Variants in BAG6 observed in about 807,000 individuals in gnomAD.
The protein encoded by BAG6 is large proline-rich protein BAG6.
A neutral mutation model predicts 121.0 loss-of-function variants in BAG6; 22 were observed. The observed-to-expected ratio is 0.18, with a 90% CI of 0.13 to 0.26. BAG6 has a LOEUF of 0.26. Ranked by LOEUF, BAG6 falls within the 10% of genes least tolerant of loss-of-function variation. The probability of loss-of-function intolerance (pLI) is 1.00; values close to 1 mark genes in which losing one functional copy is unlikely to be tolerated. For synonymous variants in BAG6, 583 were observed against 584.6 expected, an observed-to-expected ratio of 1.00 and a Z score of 0.04; for missense variants, 1,233 against 1,537.7, an observed-to-expected ratio of 0.80 and a Z score of 3.31.
chr6:31,647,069 G>A (rs933396743), intron 7 of BAG6, among the ~76,000 whole-genome samples: 8 of 151,400 alleles, frequency 5.3e-5, no homozygotes, highest in Non-Finnish European at 8.8e-5. Context: ...CACTGTGCCC[G>A]GCCTGTATTT....
In BAG6 at chr6:31,649,271, A is replaced by C; in HGVS notation, c.351T>G (p.Thr117=). 2 of 1,613,070 alleles carry C rather than the reference A, an allele frequency of 1.2e-6. No homozygotes were observed. The highest frequency in any genetic ancestry group is 1.7e-6 in the Non-Finnish European group (2 of 1,180,004). The change falls in exon 4 of 26, where the codon ACT becomes ACG. Residue 117 remains threonine, a synonymous_variant. Coordinates refer to ENST00000676615, the MANE Select transcript of BAG6 (RefSeq NM_001387994.1). ...ATHGGGSPPG[T]RGPGASVHDR... ...CATGAACAGAGGCCCCAGGCCCCCGAGTACCAGGGGGGGATCCCCCACCAT... is the reference window on the plus strand; with the variant it reads ...CATGAACAGAGGCCCCAGGCCCCCGCGTACCAGGGGGGGATCCCCCACCAT...
At chr6:31,645,300 T>C in intron 9 of BAG6, 102 bp from the exon 10 acceptor site, 8 of 1,605,950 alleles carry the variant, frequency 5.0e-6, no homozygotes, top group Non-Finnish European at 6.8e-6. Context: ...TTCATCACCA[T>C]GTTTCCAGTC....
chr6:31,643,021 A>G lies in BAG6; in HGVS notation c.1851T>C (p.Ala617=), dbSNP rs777048438. The part of the protein sequence containing the change: ...TTNTATTAGP[A]PGGPAQPPPT... ...GTGGAGGCTGGGCAGGCCCCCCAGG[A>G]GCGGGGCCAGCTGTGGTAGCTGTGT... Residue 617 remains alanine, a synonymous_variant, in exon 15 of 26, where the codon GCT becomes GCC. Coordinates refer to ENST00000676615, the MANE Select transcript of BAG6 (RefSeq NM_001387994.1). 2.5e-6 allele frequency: 4 copies of G among 1,589,300 alleles called. No homozygotes were observed. Among genetic ancestry groups the G allele is most frequent in the Non-Finnish European group, 3.4e-6 (4 of 1,169,216 alleles).
In BAG6 at chr6:31,644,464, C is replaced by T; in HGVS notation, c.1448-50G>A. ...TTGAACCTGGACCCCTTCAACCCACCCACTCAGCCCTTCCCTTTCTCTACC... is the reference window on the plus strand; with the variant it reads ...TTGAACCTGGACCCCTTCAACCCACTCACTCAGCCCTTCCCTTTCTCTACC... On this transcript the variant is annotated intron_variant, in intron 11 of 25. Coordinates refer to ENST00000676615, the MANE Select transcript of BAG6 (RefSeq NM_001387994.1). The surrounding 1 kb of genome is among the most constrained non-coding windows in gnomAD (Gnocchi z 4.9). 3 of 1,567,760 alleles carry T rather than the reference C, an allele frequency of 1.9e-6. No homozygotes were observed. In the South Asian group the frequency reaches 3.6e-5, roughly 19 times the overall value.
At position 31,649,565 on chromosome 6, in the gene BAG6, T is replaced by C. The variant is rs1275396951; in HGVS notation, c.171A>G (p.Gln57=). Residue 57 remains glutamine, a synonymous_variant, in exon 3 of 26, where the codon CAA becomes CAG. Coordinates refer to ENST00000676615, the MANE Select transcript of BAG6 (RefSeq NM_001387994.1). ...GAACTCGTCCCTGGTAAATGAGCCG[T>C]TGTTTTTCAGATGGGATGCTGACAG... is the stretch of plus-strand genomic sequence containing the variant. ...AASVSIPSEK[Q]RLIYQGRVLQ... is the part of the protein sequence containing the mutation. The C allele has an allele frequency of 6.2e-7, 1 of 1,614,182 alleles. No individual in the cohort carries two copies. The highest frequency in any genetic ancestry group is 8.5e-7 in the Non-Finnish European group (1 of 1,180,044).
In BAG6 at chr6:31,640,585, T is replaced by C; in HGVS notation, c.2995-57A>G. ...TCAGAATTTTTAGCCTCCAAACCTTTCTCCCCCAGCCCTCCACTCCACATT... is the reference window on the plus strand; with the variant it reads ...TCAGAATTTTTAGCCTCCAAACCTTCCTCCCCCAGCCCTCCACTCCACATT... On this transcript the variant is annotated intron_variant, in intron 22 of 25. Transcript: ENST00000676615. This position sits in a 1 kb window ranked among gnomAD's most constrained non-coding sequence, Gnocchi z 4.2. 6.2e-7 allele frequency: 1 copy of C among 1,612,376 alleles called. No homozygotes were observed. Among genetic ancestry groups the C allele is most frequent in the Non-Finnish European group, 8.5e-7 (1 of 1,179,688 alleles).
In BAG6 at chr6:31,641,242, A is replaced by C. The variant is rs754783298; in HGVS notation, c.2663-14T>G. ...CAAATCCACTATCTGTGGGCAAAATACAAGGAGGGAATGCTGGCACGTGGC... is the reference window on the plus strand; with the variant it reads ...CAAATCCACTATCTGTGGGCAAAATCCAAGGAGGGAATGCTGGCACGTGGC... On this transcript the variant is annotated splice_polypyrimidine_tract_variant and intron_variant, in intron 19 of 25. Coordinates refer to ENST00000676615, the MANE Select transcript of BAG6 (RefSeq NM_001387994.1). The surrounding 1 kb of genome is among the most constrained non-coding windows in gnomAD (Gnocchi z 5.7). 83 of 1,614,062 alleles carry C rather than the reference A, an allele frequency of 5.1e-5. No homozygotes were observed. The highest frequency in any genetic ancestry group is 1.3e-5 in the African/African-American group (1 of 74,936).
Position 31,644,200 on chromosome 6 carries a change from G to T in BAG6, c.1556-6C>A. 6.2e-7 allele frequency: 1 copy of T among 1,611,902 alleles called. No individual in the cohort carries two copies. Among genetic ancestry groups the T allele is most frequent in the Non-Finnish European group, 8.5e-7 (1 of 1,179,246 alleles). On this transcript the variant is annotated splice_region_variant and splice_polypyrimidine_tract_variant and intron_variant, in intron 12 of 25. Coordinates refer to ENST00000676615, the MANE Select transcript of BAG6 (RefSeq NM_001387994.1). The surrounding 1 kb of genome is among the most constrained non-coding windows in gnomAD (Gnocchi z 4.9). ...GAAGCCTGGCACCTGCTGTCCTGTG[G>T]GTGGCAGAAGAGACAGACCGAAGAG...
chr6:31,651,788 CGAAG>C lies in BAG6; in HGVS notation c.-13-16_-13-13del, dbSNP rs758061067. 9 of 1,607,128 alleles carry C rather than the reference CGAAG, an allele frequency of 5.6e-6. No individual in the cohort carries two copies. The highest frequency in any genetic ancestry group is 4.5e-5 in the East Asian group (2 of 44,852). ...TGGCCGACAGGTCTCTAAAGAAGAA[CGAAG>C]GAAGGAAGGCCCGCTGTTGCCCAGA... is the stretch of plus-strand genomic sequence containing the variant. On this transcript the variant is annotated splice_polypyrimidine_tract_variant and intron_variant, in intron 1 of 25. Coordinates refer to ENST00000676615, the MANE Select transcript of BAG6 (RefSeq NM_001387994.1).
At chr6:31,652,339 A>ACACG (rs1798045620) in intron 1 of BAG6, 85 bp downstream of exon 1, 1 of 150,124 alleles carries the variant, frequency 6.7e-6, no homozygotes, top group African/African-American at 2.5e-5. Flanking sequence ...ACACACACAC[A>ACACG]CACACACACA....
In BAG6 at chr6:31,644,546, G is replaced by A. The variant is rs951946163; in HGVS notation, c.1426C>T (p.Pro476Ser). 4.3e-6 allele frequency: 7 copies of A among 1,611,930 alleles called. No homozygotes were observed. Among genetic ancestry groups the A allele is most frequent in the Non-Finnish European group, 5.9e-6 (7 of 1,179,456 alleles). Residue 476 changes from proline to serine, a missense_variant, in exon 11 of 26, where the codon CCT becomes TCT. This residue lies in a region of BAG6 where 777 missense variants were observed against 861.4 expected (regional missense o/e 0.90). Coordinates refer to ENST00000676615, the MANE Select transcript of BAG6 (RefSeq NM_001387994.1). The surrounding 1 kb of genome is among the most constrained non-coding windows in gnomAD (Gnocchi z 4.9). ...TTACCCAGGGTTTGGCCATGACCAG[G>A]GGGTCCCAGGGGGCCAGTGGGAGCA... Reference protein sequence around the residue: ...PSAPTGPLGPPGHGQTLGSTL... With the variant: ...PSAPTGPLGPSGHGQTLGSTL...
chr6:31,645,358 T>C, intron 9 of BAG6, 49 bp downstream of exon 9: 2 of 1,612,556 alleles, frequency 1.2e-6, no homozygotes, highest in Non-Finnish European at 1.7e-6. Context: ...CCTGGGTCAC[T>C]CTATCAACAC....
chr6:31,640,887 T>C lies in BAG6; in HGVS notation c.2839A>G (p.Met947Val), dbSNP rs148447447. ...NPSLVSWLTT[M>V]MGLRLQVVLE... ...ACCACCTGAAGCCTCAGTCCCATCA[T>C]AGTGGTCAGCCAGCTCACCAAGGAG... Residue 947 changes from methionine (M) to valine (V), a missense_variant, in exon 21 of 26, where the codon ATG (methionine) becomes GTG (valine). Physicochemically the swap from Met to Val is conservative, Grantham distance 21. This residue lies in a region of BAG6 where 288 missense variants were observed against 483.1 expected (regional missense o/e 0.60). Transcript: ENST00000676615. The surrounding 1 kb of genome is among the most constrained non-coding windows in gnomAD (Gnocchi z 4.2). 1.5e-5 allele frequency: 24 copies of C among 1,612,512 alleles called. No individual in the cohort carries two copies. The highest frequency in any genetic ancestry group is 8.0e-5 in the African/African-American group (6 of 74,850).
At chr6:31,647,463 C>T (rs1791086739) in intron 7 of BAG6, 128 bp downstream of exon 7, 1 of 1,377,102 alleles carries the variant, frequency 7.3e-7, no homozygotes, top group African/African-American at 1.5e-5. Flanking sequence ...CCCCTCCTCG[C>T]CCCTCAATGC....
rs1784569257 is a variant in BAG6 at position 31,643,096 on chromosome 6, C to T, written c.1776G>A (p.Met592Ile). The T allele has an allele frequency of 2.5e-6, 4 of 1,578,372 alleles. No individual in the cohort carries two copies. The Admixed American group carries it at 5.6e-5, about 22-fold the overall frequency. Residue 592 changes from methionine to isoleucine, a missense_variant, in exon 15 of 26, where the codon ATG becomes ATA. Met to Ile is a conservative substitution (Grantham distance 10). Coordinates refer to ENST00000676615, the MANE Select transcript of BAG6 (RefSeq NM_001387994.1). ...PVLVAQGTPG[M>I]APPPAPATAS... ...CAGTGGCAGGGGCTGGCGGTGGAGC[C>T]ATACCTGGGGTCCCCTGAGCTGTAA...
intron 6 of BAG6, among the ~76,000 whole-genome samples, 166 bp downstream of exon 6, chr6:31,648,511 A>C (rs575005957): frequency 1.3e-5 from 2 of 152,294 alleles, no homozygotes; most frequent in East Asian, 1.9e-4. Flanking sequence ...GAAATGAGAG[A>C]GCCTCACAAA....
Position 31,647,831 on chromosome 6 carries a change from A to G in BAG6, c.553-5T>C, listed in dbSNP as rs770318733. On this transcript the variant is annotated splice_polypyrimidine_tract_variant and splice_region_variant and intron_variant, in intron 6 of 25. Coordinates refer to ENST00000676615, the MANE Select transcript of BAG6 (RefSeq NM_001387994.1). ...CGGTTGGGGCCCTCCTCGACACTGA[A>G]GGTAGGGGAGAGTCAGGATACCAAA... 31 of 1,529,930 alleles carry G rather than the reference A, an allele frequency of 2.0e-5. No individual in the cohort carries two copies. Among genetic ancestry groups the G allele is most frequent in the Non-Finnish European group, 2.7e-5 (31 of 1,143,238 alleles). The allele number at this position is 1,529,930 out of a possible 1,614,324, so 94.8% of individuals were successfully genotyped here. A position where few individuals can be genotyped will look rare whatever the true frequency, so the allele number is the denominator to read the frequency against.
At chr6:31,643,721 C>CAAAAAAA (rs9281540) in intron 14 of BAG6, among the ~76,000 whole-genome samples, 169 bp downstream of exon 14, 1,329 of 66,072 alleles carry the variant, frequency 0.02, 149 homozygotes, top group South Asian at 0.033. Context: ...GACTCCATCT[C>CAAAAAAA]AAAAAAAAAA....
chr6:31,639,421 C>T (rs758150187), intron 25 of BAG6, 79 bp downstream of exon 25: 8 of 1,554,628 alleles, frequency 5.1e-6, no homozygotes, highest in East Asian at 2.3e-5. Flanking sequence ...ACCAGTTCAT[C>T]GCTGAAGGGA....
Sources: allele counts gnomAD v4.1 joint callset (sites outside exome capture counted in the v4.1 genomes callset), GRCh38; gene constraint gnomAD v4.1.1; regional missense constraint gnomAD v4.1.1; non-coding constraint Gnocchi (gnomAD v3.1); transcripts MANE v1.5; gene names NCBI Gene and HGNC (gene_info 2026-07-23, HGNC 2026-07-21).